The following ZNF142 variants were observed in gnomAD, a reference collection of about 807,000 sequenced individuals.
The protein encoded by ZNF142 is zinc finger protein 142 (clone pHZ-49).
In ZNF142, 96 loss-of-function variants were observed where a neutral mutation model predicts 132.1. The observed-to-expected ratio is 0.73, with a 90% confidence interval of 0.62 to 0.86. The LOEUF is 0.86. ZNF142 is among the 40% of genes least tolerant of loss of function. ZNF142 has a pLI of 0.00. For synonymous variants in ZNF142, 842 were observed against 890.1 expected (o/e 0.95, Z 0.96); for missense variants, 2,163 against 2,336.2 (o/e 0.93, Z 1.53).
chr2:218,645,618 G>A (rs1697664151), intron 8 of ZNF142, among the ~76,000 whole-genome samples: 1 of 152,172 alleles, frequency 6.6e-6, no homozygotes, highest in African/African-American at 2.4e-5. Context: ...TTAGTCTCTA[G>A]GCCTATACTG....
At position 218,642,014 on chromosome 2, in the gene ZNF142, T is replaced by G. The variant is rs771593605; in HGVS notation, c.5088+14A>C. On this transcript the variant is annotated intron_variant, in intron 9 of 10. Transcript: ENST00000411696. The surrounding 1 kb of genome is among the most constrained non-coding windows in gnomAD (Gnocchi z 4.6). ...TGCTCCTTCCACTTCCTGCCCCATA[T>G]CCTCTGACATTACCTTGAGACGAGA... The G allele has an allele frequency of 6.2e-7, 1 of 1,608,728 alleles. No homozygotes were observed. The highest frequency in any genetic ancestry group is 1.7e-5 in the Admixed American group (1 of 59,846).
In ZNF142 at chr2:218,651,695, T is replaced by A. The variant is rs1334682488; in HGVS notation, c.880+6A>T. On this transcript the variant is annotated splice_donor_region_variant and intron_variant, in intron 5 of 10. Coordinates refer to ENST00000411696, the MANE Select transcript of ZNF142 (RefSeq NM_001379659.1). ...GAGAGGAACTGCTTGGCCCTTGGCCTCATACCTGGCAGCAGCTCCTGGGAT... is the reference window on the plus strand; with the variant it reads ...GAGAGGAACTGCTTGGCCCTTGGCCACATACCTGGCAGCAGCTCCTGGGAT... 7.8e-7 allele frequency: 1 copy of A among 1,277,944 alleles called. No homozygotes were observed. Among genetic ancestry groups the A allele is most frequent in the South Asian group, 1.3e-5 (1 of 78,854 alleles). The allele number at this position is 1,277,944 out of a possible 1,614,324, so 79.2% of individuals were successfully genotyped here.
chr2:218,640,541 CT>C (rs2106195179), intron 10 of ZNF142, 122 bp downstream of exon 10: 1 of 810,142 alleles, frequency 1.2e-6, no homozygotes, highest in Admixed American at 2.1e-5. Flanking sequence ...CCCCACCCTG[CT>C]GTCTACTCCC....
chr2:218,650,366 C>T lies in ZNF142; in HGVS notation c.1041G>A (p.Arg347=), dbSNP rs778962192. 2.5e-6 allele frequency: 4 copies of T among 1,614,186 alleles called. No individual in the cohort carries two copies. The highest frequency in any genetic ancestry group is 3.4e-6 in the Non-Finnish European group (4 of 1,180,032). ...KAVDKGQGAQ[R]LEGDVVSGTE... ...GCCTCAGAATGTCATTACCTTCCAGCCGCTGAGCCCCTTGGCCTTTATCCA... is the reference window on the plus strand; with the variant it reads ...GCCTCAGAATGTCATTACCTTCCAGTCGCTGAGCCCCTTGGCCTTTATCCA... The change falls in exon 6 of 11, where the codon CGG becomes CGA. Residue 347 remains arginine, a synonymous_variant. Transcript: ENST00000411696.
chr2:218,634,600 C>T lies in ZNF142; in HGVS notation c.*3739G>A. 1.2e-6 allele frequency: 2 copies of T among 1,614,004 alleles called. No homozygotes were observed. Among genetic ancestry groups the T allele is most frequent in the South Asian group, 1.1e-5 (1 of 91,084 alleles). ...CTTTCCACCCTGAGAAGCCCATCAG[C>T]CCTTTCAAAGCCCAGACTCTCTTAA... On this transcript the variant is annotated 3_prime_UTR_variant, in exon 11 of 11. Coordinates refer to ENST00000411696, the MANE Select transcript of ZNF142 (RefSeq NM_001379659.1). This position sits in a 1 kb window ranked among gnomAD's most constrained non-coding sequence, Gnocchi z 4.0.
At position 218,638,366 on chromosome 2, in the gene ZNF142, G is replaced by A. The variant is rs199685898; in HGVS notation, c.5637C>T (p.Ala1879=). The A allele has an allele frequency of 4.1e-5, 63 of 1,522,814 alleles. 1 individual carries two copies. The South Asian group carries it at 5.2e-4, about 13-fold the overall frequency. The allele number at this position is 1,522,814 out of a possible 1,614,324, so 94.3% of individuals were successfully genotyped here. Residue 1879 remains alanine, a synonymous_variant, in exon 11 of 11, where the codon GCC becomes GCT. Coordinates refer to ENST00000411696, the MANE Select transcript of ZNF142 (RefSeq NM_001379659.1). ...AGCCCTCAGGTCCAGTGTGGGGAGC[G>A]GCAGGAGCAGGAGGGCTGGGATCCT... ...QLEDPSPPAP[A]APHTGPEG
chr2:218,645,048 A>G lies in ZNF142; in HGVS notation c.2068T>C (p.Cys690Arg). Residue 690 changes from cysteine (C) to arginine (R), a missense_variant, in exon 9 of 11, where the codon TGC (cysteine) becomes CGC (arginine). Coordinates refer to ENST00000411696, the MANE Select transcript of ZNF142 (RefSeq NM_001379659.1). ...AGDLRYQCNQ[C>R]SYRCHRADQL... Reference sequence around the variant, plus strand: ...TCAGCCCGGTGACAGCGATAGGAGCACTGGTTGCACTGATACCTGGCAAGG... The same window carrying G: ...TCAGCCCGGTGACAGCGATAGGAGCGCTGGTTGCACTGATACCTGGCAAGG... 2 of 1,607,864 alleles carry G rather than the reference A, an allele frequency of 1.2e-6. No individual in the cohort carries two copies. The highest frequency in any genetic ancestry group is 1.7e-6 in the Non-Finnish European group (2 of 1,175,124).
chr2:218,642,057 A>G lies in ZNF142; in HGVS notation c.5059T>C (p.Tyr1687His). 6.2e-7 allele frequency: 1 copy of G among 1,614,162 alleles called. No homozygotes were observed. The change falls in exon 9 of 11, where the codon TAT (tyrosine) becomes CAT (histidine). Residue 1687 changes from tyrosine to histidine, a missense_variant. Transcript: ENST00000411696. This position sits in a 1 kb window ranked among gnomAD's most constrained non-coding sequence, Gnocchi z 4.6. ...AGACGAGAGGGATCAGCACAGGCAT[A>G]GGGGCAGAGGTGACAGTGGTAAGGC... ...EKPYHCHLCP[Y>H]ACADPSRLKY...
intron 4 of ZNF142, among the ~76,000 whole-genome samples, chr2:218,655,046 G>C (rs757233145): frequency 1.3e-5 from 2 of 152,158 alleles, no homozygotes; most frequent in Non-Finnish European, 2.9e-5. Flanking sequence ...CCGTAACTGT[G>C]CCACTGCACT....
intron 3 of ZNF142, 148 bp from the exon 4 acceptor site, chr2:218,656,611 GCTTT>G (rs1938530390): frequency 2.3e-6 from 1 of 434,376 alleles, no homozygotes; most frequent in East Asian, 3.5e-5. Context: ...CTAAATAGAG[GCTTT>G]CTTTTATGAT....
chr2:218,642,859 C>G lies in ZNF142; in HGVS notation c.4257G>C (p.Gln1419His), dbSNP rs777160981. The G allele has an allele frequency of 6.2e-7, 1 of 1,614,164 alleles. No homozygotes were observed. Among genetic ancestry groups the G allele is most frequent in the South Asian group, 1.1e-5 (1 of 91,088 alleles). ...TTRRYRLEAH[Q>H]SRHTGIGRIP... ...TGCGGCCAATGCCTGTGTGTCGGGA[C>G]TGGTGAGCCTCTAACCGGTACCGTC... Residue 1419 changes from glutamine (Q) to histidine (H), a missense_variant, in exon 9 of 11, where the codon CAG (glutamine) becomes CAC (histidine). Physicochemically the swap from Gln to His is conservative, Grantham distance 24 (BLOSUM62 0). Transcript: ENST00000411696. This position sits in a 1 kb window ranked among gnomAD's most constrained non-coding sequence, Gnocchi z 4.6.
In ZNF142 at chr2:218,644,629, G is replaced by C; in HGVS notation, c.2487C>G (p.Pro829=). The part of the protein sequence containing the change: ...QGPTPPPDSE[P]SNQLSARPEG... ...CAGGTCGGGCTGACAGCTGGTTTGA[G>C]GGCTCTGAATCTGGTGGGGGTGTTG... The change falls in exon 9 of 11, where the codon CCC becomes CCG. Residue 829 remains proline (P), a synonymous_variant. Transcript: ENST00000411696. This position sits in a 1 kb window ranked among gnomAD's most constrained non-coding sequence, Gnocchi z 4.6. 1 of 1,614,230 alleles carries C rather than the reference G, an allele frequency of 6.2e-7. No homozygotes were observed. Among genetic ancestry groups the C allele is most frequent in the Non-Finnish European group, 8.5e-7 (1 of 1,180,050 alleles).
Position 218,649,406 on chromosome 2 carries a change from A to G in ZNF142, c.1102T>C (p.Cys368Arg). Reference sequence around the variant, plus strand: ...GTCCGCTTCTTAAAGCAGCGCTTACACTCTGGACACATATGGGTCTTGAAG... The same window carrying G: ...GTCCGCTTCTTAAAGCAGCGCTTACGCTCTGGACACATATGGGTCTTGAAG... Reference protein sequence around the residue: ...SLFKTHMCPECKRCFKKRTHL... With the variant: ...SLFKTHMCPERKRCFKKRTHL... Residue 368 changes from cysteine to arginine, a missense_variant, in exon 7 of 11, where the codon TGT becomes CGT. This residue lies in a region of ZNF142 where 749 missense variants were observed against 830.3 expected (regional missense o/e 0.90). Coordinates refer to ENST00000411696, the MANE Select transcript of ZNF142 (RefSeq NM_001379659.1). The G allele has an allele frequency of 1.2e-6, 2 of 1,612,858 alleles. No individual in the cohort carries two copies. Among genetic ancestry groups the G allele is most frequent in the Non-Finnish European group, 1.7e-6 (2 of 1,179,392 alleles).
rs758941627 is a variant in ZNF142, at chr2:218,642,596, C to T, written c.4520G>A (p.Arg1507His). 9 of 1,613,522 alleles carry T rather than the reference C, an allele frequency of 5.6e-6. No homozygotes were observed. The highest frequency in any genetic ancestry group is 4.4e-5 in the South Asian group (4 of 91,072). ...AGGCTGTGCAGGCTCGGGGTGTCGG[C>T]GCAGAGCATGCTGCTTAAGTGCTGT... Reference protein sequence around the residue: ...SETALKQHALRRHPEPAQPAP... With the variant: ...SETALKQHALHRHPEPAQPAP... Residue 1507 changes from arginine to histidine, a missense_variant, in exon 9 of 11, where the codon CGC becomes CAC. Around this residue, in one of 7 missense-constraint regions of ZNF142, gnomAD observed 809 missense variants for 801.7 expected, o/e 1.01. Coordinates refer to ENST00000411696, the MANE Select transcript of ZNF142 (RefSeq NM_001379659.1). The surrounding 1 kb of genome is among the most constrained non-coding windows in gnomAD (Gnocchi z 4.6).
Position 218,643,704 on chromosome 2 carries a change from G to C in ZNF142, c.3412C>G (p.Pro1138Ala). The C allele has an allele frequency of 6.3e-7, 1 of 1,586,994 alleles. No homozygotes were observed. Among genetic ancestry groups the C allele is most frequent in the Non-Finnish European group, 8.5e-7 (1 of 1,169,658 alleles). ...GGAAGCTCCAAAGGAGCATCTTTTG[G>C]AAGCAGTAGCTCTGCTTCTTGTGAT... ...PASQEAELLL[P>A]KDAPLELPRE... is the part of the protein sequence containing the mutation. The change falls in exon 9 of 11, where the codon CCA (proline) becomes GCA (alanine). Residue 1138 changes from proline to alanine, a missense_variant. Around this residue, in one of 7 missense-constraint regions of ZNF142, gnomAD observed 809 missense variants for 801.7 expected, o/e 1.01. Coordinates refer to ENST00000411696, the MANE Select transcript of ZNF142 (RefSeq NM_001379659.1).
intron 7 of ZNF142, 38 bp downstream of exon 7, chr2:218,648,597 T>C: frequency 1.3e-6 from 2 of 1,582,898 alleles, no homozygotes; most frequent in East Asian, 2.3e-5. Flanking sequence ...ACCACCATCA[T>C]TATTACAACA....
Position 218,640,754 on chromosome 2 carries a change from G to T in ZNF142, c.5104C>A (p.His1702Asn). The change falls in exon 10 of 11, where the codon CAC becomes AAC. Residue 1702 changes from histidine (H) to asparagine (N), a missense_variant. This residue lies in a region of ZNF142 where 325 missense variants were observed against 367.8 expected (regional missense o/e 0.88). Coordinates refer to ENST00000411696, the MANE Select transcript of ZNF142 (RefSeq NM_001379659.1). ...PSRLKYHMRIHKEERKYLCPE... is the reference protein window; with the variant it reads ...PSRLKYHMRINKEERKYLCPE... ...CACAGGTACTTCCGTTCCTCCTTGT[G>T]GATCCGCATGTGGTACTGGAAGAGG... 6.2e-7 allele frequency: 1 copy of T among 1,614,142 alleles called. No homozygotes were observed. The highest frequency in any genetic ancestry group is 1.1e-5 in the South Asian group (1 of 91,070).
In ZNF142 at chr2:218,640,907, A is replaced by T. The variant is rs185681349; in HGVS notation, c.5089-138T>A. On this transcript the variant is annotated intron_variant, in intron 9 of 10. Transcript: ENST00000411696. Reference sequence around the variant, plus strand: ...GACATTATGGAACTTTGTTTTTCTTAATCTTCAGTTTACTTGCTAGGGATT... The same window carrying T: ...GACATTATGGAACTTTGTTTTTCTTTATCTTCAGTTTACTTGCTAGGGATT... 34 of 663,760 alleles carry T rather than the reference A, an allele frequency of 5.1e-5. No individual in the cohort carries two copies. The African/African-American group carries it at 5.6e-4, about 11-fold the overall frequency. 41.1% of individuals were successfully genotyped at this position (663,760 alleles called of 1,614,324 possible).
At position 218,634,084 on chromosome 2, in the gene ZNF142, CCT is replaced by C; in HGVS notation, c.*4253_*4254del. 6.3e-7 allele frequency: 1 copy of C among 1,590,798 alleles called. No individual in the cohort carries two copies. The highest frequency in any genetic ancestry group is 2.3e-5 in the East Asian group (1 of 43,880). On this transcript the variant is annotated 3_prime_UTR_variant, in exon 11 of 11. Transcript: ENST00000411696. The surrounding 1 kb of genome is among the most constrained non-coding windows in gnomAD (Gnocchi z 4.0). ...GGAGATTCCACCCCACTTCCATCTC[CCT>C]CTCTATACCCTTTTACAGGCAATGA...
Sources: gnomAD v4.1 joint callset for allele counts (sites outside exome capture counted in the v4.1 genomes callset) on GRCh38, gnomAD v4.1.1 for gene constraint, gnomAD v4.1.1 regional missense constraint, Gnocchi (gnomAD v3.1) non-coding constraint, MANE v1.5 for transcripts, NCBI Gene and HGNC (gene_info 2026-07-23, HGNC 2026-07-21) for gene names.